The following MAP4K2 variants were observed in gnomAD, a reference collection of about 807,000 sequenced individuals.
MAP4K2 encodes the protein mitogen-activated protein kinase kinase kinase kinase 2.
A neutral mutation model predicts 125.3 loss-of-function variants in MAP4K2; 85 were observed. The observed-to-expected ratio is 0.68, with a 90% confidence interval of 0.57 to 0.81. The LOEUF (loss-of-function observed/expected upper bound fraction) is 0.81, where lower values mean the gene tolerates loss of function less well. MAP4K2 is among the 40% of genes least tolerant of loss of function. The pLI, the probability that MAP4K2 is intolerant of heterozygous loss-of-function variation, is 0.00. For missense variants in MAP4K2, 923 were observed against 1,056.4 expected (o/e 0.87, Z 1.75); for synonymous variants, 479 against 445.1 (o/e 1.08, Z -0.96).
chr11:64,800,544 G>A, intron 10 of MAP4K2, 152 bp from the exon 11 acceptor site: 5 of 1,079,692 alleles, frequency 4.6e-6, no homozygotes, highest in Non-Finnish European at 6.6e-6. Flanking sequence ...GAGCAACGCT[G>A]CCTTGCGACA....
chr11:64,801,680 C>T (rs1339235032), intron 6 of MAP4K2, 30 bp downstream of exon 6: 1 of 1,613,752 alleles, frequency 6.2e-7, no homozygotes, highest in East Asian at 2.2e-5. Flanking sequence ...CCTCCTCCCT[C>T]CCCAGGAGTG....
Position 64,796,902 on chromosome 11 carries a change from G to A in MAP4K2, c.1408-9C>T, listed in dbSNP as rs761433458. 4.8e-5 allele frequency: 77 copies of A among 1,613,878 alleles called. 1 individual carries two copies. The highest frequency in any genetic ancestry group is 3.7e-4 in the South Asian group (34 of 91,096). On this transcript the variant is annotated splice_polypyrimidine_tract_variant and intron_variant, in intron 20 of 31. Transcript: ENST00000294066. ...GAGAAGCAGGCGCCCATCTGCAGAG[G>A]AGGCAAGAGGCTGGCGAGGGAGTGC...
intron 27 of MAP4K2, among the ~76,000 whole-genome samples, chr11:64,791,629 C>A (rs995746085): frequency 6.6e-6 from 1 of 152,230 alleles, no homozygotes; most frequent in Admixed American, 6.5e-5. Context: ...CCTTGGCCTC[C>A]CAAAATGCTG....
intron 17 of MAP4K2, 30 bp from the exon 18 acceptor site, chr11:64,797,410 C>T (rs1383748927): frequency 7.0e-6 from 11 of 1,561,324 alleles, no homozygotes; most frequent in African/African-American, 1.4e-5. Context: ...CCAGCCCGGC[C>T]GTTACCAGGT....
chr11:64,801,777 C>T lies in MAP4K2; in HGVS notation c.367-20G>A. The T allele has an allele frequency of 1.2e-6, 2 of 1,611,648 alleles. No individual in the cohort carries two copies. Among genetic ancestry groups the T allele is most frequent in the East Asian group, 4.5e-5 (2 of 44,892 alleles). On this transcript the variant is annotated intron_variant, in intron 5 of 31. Transcript: ENST00000294066. ...GAGCCCCTGGCGACAAAGAGGAGTC[C>T]CTGAGAGCAGCCACCCAGCACTGTC...
chr11:64,801,997 T>A, intron 5 of MAP4K2, 69 bp downstream of exon 5: 1 of 1,504,486 alleles, frequency 6.6e-7, no homozygotes, highest in Non-Finnish European at 9.0e-7. Context: ...GCCTCCCTGC[T>A]GGTCATCTGG....
At position 64,788,977 on chromosome 11, in the gene MAP4K2, A is replaced by G. The variant is rs1368438821; in HGVS notation, c.*560T>C. ...ATGCAGGGGAAGGCACAGTGCCCCT[A>G]GAAGGCTGCTGGGGGCCATGGCCTC... On this transcript the variant is annotated 3_prime_UTR_variant, in exon 32 of 32. Transcript: ENST00000294066. 2 of 161,654 alleles carry G rather than the reference A, an allele frequency of 1.2e-5. No homozygotes were observed. Among genetic ancestry groups the G allele is most frequent in the African/African-American group, 4.8e-5 (2 of 41,466 alleles). The allele number at this position is 161,654 out of a possible 1,614,324, so 10.0% of individuals were successfully genotyped here. A position where few individuals can be genotyped will look rare whatever the true frequency, so the allele number is the denominator to read the frequency against.
At position 64,799,723 on chromosome 11, in the gene MAP4K2, C is replaced by A. The variant is rs549062153; in HGVS notation, c.916-40G>T. ...AAACAGTGTGGACACACCTGGCACG[C>A]GCCTCATGCCGGGGCTGCTCTAGGA... On this transcript the variant is annotated intron_variant, in intron 12 of 31. Transcript: ENST00000294066. 4.5e-6 allele frequency: 7 copies of A among 1,551,852 alleles called. No individual in the cohort carries two copies. In the African/African-American group the frequency reaches 9.5e-5, roughly 21 times the overall value.
chr11:64,799,169 A>G (rs1023420257), intron 14 of MAP4K2, among the ~76,000 whole-genome samples: 2 of 152,178 alleles, frequency 1.3e-5, no homozygotes, highest in Admixed American at 6.5e-5. Context: ...GCTCAGGCAC[A>G]TGACGGCCTC....
Position 64,800,390 on chromosome 11 carries a change from G to A in MAP4K2, c.728C>T (p.Thr243Ile). The A allele has an allele frequency of 1.2e-6, 2 of 1,613,988 alleles. No homozygotes were observed. Among genetic ancestry groups the A allele is most frequent in the Non-Finnish European group, 1.7e-6 (2 of 1,179,996 alleles). The change falls in exon 11 of 32, where the codon ACC becomes ATC. Residue 243 changes from threonine (T) to isoleucine (I), a missense_variant and splice_region_variant. Physicochemically the swap from Thr to Ile is moderately conservative, Grantham distance 89. This residue lies in a region of MAP4K2 where 833 missense variants were observed against 911.4 expected (regional missense o/e 0.91). Coordinates refer to ENST00000294066, the MANE Select transcript of MAP4K2 (RefSeq NM_004579.5). ...PPKLRDKTRW[T>I]QNFHHFLKLA... is the part of the protein sequence containing the mutation. ...TTTGAGAAAGTGGTGGAAATTCTGG[G>A]TCCTAGAAGGCACAAGAGCCCCCCA...
At position 64,801,298 on chromosome 11, in the gene MAP4K2, T is replaced by G. The variant is rs917846966; in HGVS notation, c.458-115A>C. The G allele has an allele frequency of 2.7e-5, 35 of 1,297,928 alleles. 1 individual carries two copies. In the East Asian group the frequency reaches 8.8e-4, roughly 33 times the overall value. The allele number at this position is 1,297,928 out of a possible 1,614,324, so 80.4% of individuals were successfully genotyped here. A position where few individuals can be genotyped will look rare whatever the true frequency, so the allele number is the denominator to read the frequency against. On this transcript the variant is annotated intron_variant, in intron 7 of 31. Coordinates refer to ENST00000294066, the MANE Select transcript of MAP4K2 (RefSeq NM_004579.5). Reference sequence around the variant, plus strand: ...GCTCAGACGGGCAGGTGGCCCCGCTTGGTCACAGCTGCCGCAGGCCCTAGG... The same window carrying G: ...GCTCAGACGGGCAGGTGGCCCCGCTGGGTCACAGCTGCCGCAGGCCCTAGG...
chr11:64,799,979 T>A, intron 12 of MAP4K2, 130 bp downstream of exon 12: 1 of 780,064 alleles, frequency 1.3e-6, no homozygotes, highest in Non-Finnish European at 2.1e-6. Context: ...AGACTCCTAA[T>A]GGGAGGGCTC....
intron 22 of MAP4K2, 40 bp from the exon 23 acceptor site, chr11:64,796,593 C>T: frequency 6.2e-7 from 1 of 1,613,982 alleles, no homozygotes; most frequent in Non-Finnish European, 8.5e-7. Flanking sequence ...CACCCCAGGC[C>T]CCCACAAGGC....
At chr11:64,797,233 C>T (rs369393608) in intron 18 of MAP4K2, 41 bp from the exon 19 acceptor site, 1 of 1,604,802 alleles carries the variant, frequency 6.2e-7, no homozygotes, top group South Asian at 1.1e-5. Context: ...CTGTAGCCCC[C>T]ACCCTGGGGC....
At chr11:64,799,273 G>T in intron 14 of MAP4K2, 148 bp downstream of exon 14, 1 of 914,476 alleles carries the variant, frequency 1.1e-6, no homozygotes, top group Non-Finnish European at 1.7e-6. Flanking sequence ...CAGGTCCCTG[G>T]GTAGGACAGG....
intron 21 of MAP4K2, 22 bp downstream of exon 21, chr11:64,796,787 C>T: frequency 2.5e-6 from 4 of 1,613,654 alleles, no homozygotes; most frequent in Non-Finnish European, 3.4e-6. Flanking sequence ...TGGGCTCCCG[C>T]TTCCTCCCTG....
chr11:64,794,579 C>G (rs1287436949), intron 24 of MAP4K2, among the ~76,000 whole-genome samples: 1 of 152,142 alleles, frequency 6.6e-6, no homozygotes, highest in Non-Finnish European at 1.5e-5. Context: ...AGGCTGGTCT[C>G]GAACTCCTGA....
At position 64,802,766 on chromosome 11, in the gene MAP4K2, A is replaced by G. The variant is rs576728772; in HGVS notation, c.155-113T>C. 7 of 1,448,164 alleles carry G rather than the reference A, an allele frequency of 4.8e-6. No homozygotes were observed. The Middle Eastern group carries it at 1.1e-3, about 226-fold the overall frequency. The allele number at this position is 1,448,164 out of a possible 1,614,324, so 89.7% of individuals were successfully genotyped here. A position where few individuals can be genotyped will look rare whatever the true frequency, so the allele number is the denominator to read the frequency against. On this transcript the variant is annotated intron_variant, in intron 2 of 31. Coordinates refer to ENST00000294066, the MANE Select transcript of MAP4K2 (RefSeq NM_004579.5). ...CCTCCGGGCCAGGCAGGTGCAGGTG[A>G]CAGCACCTCCCGGGGCACGCCTCTC...
intron 24 of MAP4K2, among the ~76,000 whole-genome samples, chr11:64,792,829 T>C (rs957687902): frequency 7.2e-5 from 11 of 152,298 alleles, no homozygotes; most frequent in Non-Finnish European, 1.5e-4. Flanking sequence ...GAATCGTGTG[T>C]GCTCACAGAG....
Sources: allele counts gnomAD v4.1 joint callset (sites outside exome capture counted in the v4.1 genomes callset), GRCh38; gene constraint gnomAD v4.1.1; regional missense constraint gnomAD v4.1.1; transcripts MANE v1.5; gene names NCBI Gene and HGNC (gene_info 2026-07-23, HGNC 2026-07-21).